The following ERICH1 variants were observed in gnomAD, a reference collection of about 807,000 sequenced individuals.
The protein encoded by ERICH1 is glutamate-rich protein 1.
ERICH1 carries 56 observed loss-of-function variants against 39.6 expected under a neutral mutation model. The ratio of observed to expected loss-of-function variants is 1.41; its 90% CI spans 1.14 to 1.77. The LOEUF (loss-of-function observed/expected upper bound fraction) is 1.77. ERICH1 is among the 40% of genes most tolerant of loss of function. The probability of loss-of-function intolerance (pLI) is 0.00; values close to 1 mark genes in which losing one functional copy is unlikely to be tolerated. For missense variants in ERICH1, 826 were observed against 575.4 expected (o/e 1.44, Z -4.45); for synonymous variants, 313 against 223.6 (o/e 1.40, Z -3.57).
chr8:616,884 C>G lies in ERICH1; in HGVS notation c.977-1600G>C, dbSNP rs1415767614. Among the ~76,000 whole-genome samples, 12 of 40,222 alleles carry G rather than the reference C, an allele frequency of 3.0e-4. 1 individual carries two copies. Among genetic ancestry groups the G allele is most frequent in the East Asian group, 0.012 (1 of 84 alleles). 26.4% of individuals were successfully genotyped at this position (40,222 alleles called of 152,430 possible). A position where few individuals can be genotyped will look rare whatever the true frequency, so the allele number is the denominator to read the frequency against. ...ACAGAGAGAGAGAGGGAGAGGGAGA[C>G]AGAGACACACACACACACAGAGAGA... On this transcript the variant is annotated intron_variant, in intron 3 of 3. Transcript: ENST00000522706.
intron 4 of ERICH1, among the ~76,000 whole-genome samples, chr8:673,077 C>T (rs928439562): frequency 3.3e-5 from 5 of 152,270 alleles, no homozygotes; most frequent in African/African-American, 4.8e-5. Context: ...CCATCCACAT[C>T]ATCGGTGGAA....
intron 1 of ERICH1, among the ~76,000 whole-genome samples, chr8:719,319 T>A: frequency 6.6e-6 from 1 of 152,346 alleles, no homozygotes; most frequent in Non-Finnish European, 1.5e-5. Flanking sequence ...CCATTTTCCT[T>A]GTACTCCACC....
chr8:629,595 GA>G (rs1563166782), intron 3 of ERICH1, among the ~76,000 whole-genome samples: 209 of 109,922 alleles, frequency 1.9e-3, no homozygotes, highest in African/African-American at 6.5e-3. Context: ...CACCCACAGA[GA>G]CAGAGCTGAC....
In ERICH1 at chr8:622,852, G is replaced by C. The variant is rs578087304; in HGVS notation, c.977-7568C>G. On this transcript the variant is annotated intron_variant, in intron 3 of 3. Transcript: ENST00000522706. ...GCACACCTGTGGTCCCAGCAGCTCAGGATGCTGAGGTGGAAGGATTGCTTG... is the reference window on the plus strand; with the variant it reads ...GCACACCTGTGGTCCCAGCAGCTCACGATGCTGAGGTGGAAGGATTGCTTG... Among the ~76,000 whole-genome samples the C allele has an allele frequency of 3.3e-5, 5 of 152,138 alleles. No individual in the cohort carries two copies. The South Asian group carries it at 8.3e-4, about 25-fold the overall frequency.
chr8:685,115 ACTG>A (rs1807004197), intron 3 of ERICH1, among the ~76,000 whole-genome samples: 1 of 152,116 alleles, frequency 6.6e-6, no homozygotes, highest in Non-Finnish European at 1.5e-5. Context: ...CCTATCTACA[ACTG>A]CATAAGGCAG....
At chr8:722,183 C>T (rs1817478037) in intron 1 of ERICH1, among the ~76,000 whole-genome samples, 1 of 151,648 alleles carries the variant, frequency 6.6e-6, no homozygotes, top group African/African-American at 2.4e-5. Context: ...AAAAAGCAAT[C>T]ACCGGAAAAT....
At chr8:690,642 C>A (rs537293144) in intron 3 of ERICH1, among the ~76,000 whole-genome samples, 76 of 152,238 alleles carry the variant, frequency 5.0e-4, no homozygotes, top group Non-Finnish European at 1.0e-3. Context: ...GGCGACAAGG[C>A]CCTGGGCGGC....
rs915515208 is a variant in ERICH1 at position 656,726 on chromosome 8, G to A, written c.976+11872C>T. Reference sequence around the variant, plus strand: ...GCTGTGTCTTTCCTGCTGCAGGTCTGGGAAGAACATTTCTACAAGGGGCCT... The same window carrying A: ...GCTGTGTCTTTCCTGCTGCAGGTCTAGGAAGAACATTTCTACAAGGGGCCT... On this transcript the variant is annotated intron_variant, in intron 3 of 3. Coordinates refer to the ERICH1 transcript ENST00000522706. The A allele has an allele frequency of 2.9e-5, 29 of 983,380 alleles. No individual in the cohort carries two copies. The African/African-American group carries it at 4.7e-4, about 16-fold the overall frequency. The allele number at this position is 983,380 out of a possible 1,614,324, so 60.9% of individuals were successfully genotyped here.
Position 619,760 on chromosome 8 carries a change from G to T in ERICH1, c.977-4476C>A, listed in dbSNP as rs548878495. On this transcript the variant is annotated intron_variant, in intron 3 of 3. Transcript: ENST00000522706. Reference sequence around the variant, plus strand: ...AGCACAAAAAAGAAGTCTATGGAATGAAACTATGTTGTATGAAGTCTATGG... The same window carrying T: ...AGCACAAAAAAGAAGTCTATGGAATTAAACTATGTTGTATGAAGTCTATGG... 2.6e-5 allele frequency among the ~76,000 whole-genome samples: 4 copies of T among 152,278 alleles called. No homozygotes were observed. The South Asian group carries it at 6.2e-4, about 24-fold the overall frequency.
At chr8:631,881 A>G (rs1798063046) in intron 3 of ERICH1, among the ~76,000 whole-genome samples, 1 of 152,060 alleles carries the variant, frequency 6.6e-6, no homozygotes, top group South Asian at 2.1e-4. Context: ...TGCTCAGTCA[A>G]TGCTGTACTT....
At chr8:656,672 C>A (rs1370176586) in intron 3 of ERICH1, 2 of 900,240 alleles carry the variant, frequency 2.2e-6, no homozygotes, top group African/African-American at 3.6e-5. Flanking sequence ...GCTTACTTGC[C>A]TCTGGGAATA....
At chr8:709,866 T>C (rs551528922) in intron 2 of ERICH1, among the ~76,000 whole-genome samples, 81 of 152,326 alleles carry the variant, frequency 5.3e-4, no homozygotes, top group Non-Finnish European at 9.8e-4. Flanking sequence ...CCCCACCTAA[T>C]TTCATCTTCC....
intron 2 of ERICH1, among the ~76,000 whole-genome samples, chr8:693,430 G>C (rs1319864019): frequency 6.6e-6 from 1 of 152,212 alleles, no homozygotes; most frequent in Non-Finnish European, 1.5e-5. Flanking sequence ...TATCCCATGC[G>C]ATGGAATTAT....
intron 3 of ERICH1, among the ~76,000 whole-genome samples, chr8:642,562 T>C (rs569154349): frequency 2.6e-4 from 40 of 152,126 alleles, no homozygotes; most frequent in South Asian, 6.2e-4. Flanking sequence ...GCCAGGATGG[T>C]CTCGATCTTC....
At chr8:720,977 T>C (rs1200330048) in intron 1 of ERICH1, among the ~76,000 whole-genome samples, 1 of 152,196 alleles carries the variant, frequency 6.6e-6, no homozygotes, top group Non-Finnish European at 1.5e-5. Flanking sequence ...AGCATGATTT[T>C]GATATTAAAT....
At chr8:616,273 G>A (rs930172229) in intron 3 of ERICH1, 11 of 299,174 alleles carry the variant, frequency 3.7e-5, no homozygotes, top group African/African-American at 1.1e-4. Context: ...TCTTTGTAAC[G>A]TTGCATTTTC....
intron 3 of ERICH1, among the ~76,000 whole-genome samples, chr8:682,415 G>C (rs1299878355): frequency 6.6e-6 from 1 of 152,220 alleles, no homozygotes; most frequent in African/African-American, 2.4e-5. Flanking sequence ...TGGCGTCCTG[G>C]TGGCTCTGAC....
intron 3 of ERICH1, among the ~76,000 whole-genome samples, chr8:637,857 A>G (rs1351644303): frequency 2.0e-5 from 3 of 152,208 alleles, no homozygotes; most frequent in African/African-American, 7.2e-5. Flanking sequence ...AGAGCACAGC[A>G]GCCAGGGTCC....
chr8:715,794 G>A (rs1382902010), intron 2 of ERICH1, 67 bp downstream of exon 2: 1 of 1,550,736 alleles, frequency 6.4e-7, no homozygotes. Context: ...CATTCTCCAA[G>A]GCAAGTGATG....
Sources: gnomAD v4.1 joint callset for allele counts (sites outside exome capture counted in the v4.1 genomes callset) on GRCh38, gnomAD v4.1.1 for gene constraint, MANE v1.5 for transcripts, NCBI Gene and HGNC (gene_info 2026-07-23, HGNC 2026-07-21) for gene names.